Variants in BICRA observed in about 807,000 individuals in gnomAD.
BICRA encodes the protein BRD4 interacting chromatin remodeling complex associated protein, also known as BRD4-interacting chromatin-remodeling complex-associated protein.
Under a neutral mutation model 96.9 loss-of-function variants are expected in BICRA, and 31 were observed. The ratio of observed to expected loss-of-function variants is 0.32; its 90% CI spans 0.24 to 0.43. The LOEUF (loss-of-function observed/expected upper bound fraction) is 0.43. BICRA is among the 20% of genes least tolerant of loss of function. BICRA has a pLI of 1.00. For synonymous variants in BICRA, 1,350 were observed against 1,071.8 expected (o/e 1.26, Z -5.07); for missense variants, 2,283 against 2,190.3 (o/e 1.04, Z -0.84).
rs1438694813 is a variant in BICRA, at chr19:47,698,379, G to A, written c.3249-255G>A. ...CCTCCCTTACGTGCTTTGGAGAGGAGTGACTTCACTTCCTCGACCTCACCT... is the reference window on the plus strand; with the variant it reads ...CCTCCCTTACGTGCTTTGGAGAGGAATGACTTCACTTCCTCGACCTCACCT... On this transcript the variant is annotated intron_variant, in intron 11 of 14. Transcript: ENST00000594866. This position sits in a 1 kb window ranked among gnomAD's most constrained non-coding sequence, Gnocchi z 4.8. 1.3e-5 allele frequency among the ~76,000 whole-genome samples: 2 copies of A among 152,172 alleles called. No homozygotes were observed. The highest frequency in any genetic ancestry group is 1.3e-4 in the Admixed American group (2 of 15,274).
Position 47,694,217 on chromosome 19 carries a change from C to T in BICRA, c.2386C>T (p.Pro796Ser), listed in dbSNP as rs781551702. The change falls in exon 8 of 15, where the codon CCC (proline) becomes TCC (serine). Residue 796 changes from proline to serine, a missense_variant. Coordinates refer to ENST00000594866, the MANE Select transcript of BICRA (RefSeq NM_001394372.1). The part of the protein sequence containing the change: ...GDSPHLPSPH[P>S]TRPPSRPPSR... ...CAGCCCCCACCTGCCCTCCCCACACCCCACCCGGCCCCCTTCCCGCCCACC... is the reference window on the plus strand; with the variant it reads ...CAGCCCCCACCTGCCCTCCCCACACTCCACCCGGCCCCCTTCCCGCCCACC... The T allele has an allele frequency of 1.6e-6, 2 of 1,222,610 alleles. No individual in the cohort carries two copies. Among genetic ancestry groups the T allele is most frequent in the Middle Eastern group, 2.8e-4 (1 of 3,546 alleles). 75.7% of individuals were successfully genotyped at this position (1,222,610 alleles called of 1,614,324 possible).
chr19:47,690,792 TTG>T (rs10603971), intron 7 of BICRA, among the ~76,000 whole-genome samples: 65,398 of 150,236 alleles, frequency 0.44, 14,626 homozygotes, highest in East Asian at 0.63. Context: ...AATTTGTGGA[TTG>T]TGTGTGTGTG....
rs372396367 is a variant in BICRA, at chr19:47,619,974, G to A, written c.-108+10806G>A. On this transcript the variant is annotated intron_variant, in intron 1 of 14. Coordinates refer to ENST00000594866, the MANE Select transcript of BICRA (RefSeq NM_001394372.1). ...TCCTGGTCAGTACCTGCTCCCAGAAGCAGTCACTGGCTTGCCTTGTCATTG... is the reference window on the plus strand; with the variant it reads ...TCCTGGTCAGTACCTGCTCCCAGAAACAGTCACTGGCTTGCCTTGTCATTG... 9.9e-5 allele frequency among the ~76,000 whole-genome samples: 15 copies of A among 152,172 alleles called. No homozygotes were observed. The East Asian group carries it at 2.3e-3, about 23-fold the overall frequency.
chr19:47,691,735 G>C (rs1973243840), intron 7 of BICRA, among the ~76,000 whole-genome samples: 2 of 151,900 alleles, frequency 1.3e-5, no homozygotes, highest in Admixed American at 1.3e-4. Flanking sequence ...TAATTTTTGT[G>C]TTTTTAGTAC....
chr19:47,660,657 G>A (rs1972690907), intron 1 of BICRA, among the ~76,000 whole-genome samples: 1 of 152,180 alleles, frequency 6.6e-6, no homozygotes, highest in South Asian at 2.1e-4. Flanking sequence ...AGGGATAGAG[G>A]ACCTGGCCGG....
In BICRA at chr19:47,695,342, TCCCC is replaced by T; in HGVS notation, c.3077-21_3077-18del. 4 of 630,198 alleles carry T rather than the reference TCCCC, an allele frequency of 6.3e-6. No individual in the cohort carries two copies. Among genetic ancestry groups the T allele is most frequent in the South Asian group, 3.9e-5 (2 of 51,384 alleles). 39.0% of individuals were successfully genotyped at this position (630,198 alleles called of 1,614,324 possible). ...TCATGCAGTGACCGCAGGCCCTGTC[TCCCC>T]CACCCCACCCACCCCCAGGCCTCCC... On this transcript the variant is annotated intron_variant, in intron 9 of 14. Transcript: ENST00000594866.
intron 1 of BICRA, among the ~76,000 whole-genome samples, chr19:47,656,302 A>G (rs1972618132): frequency 6.6e-6 from 1 of 152,070 alleles, no homozygotes; most frequent in Non-Finnish European, 1.5e-5. Flanking sequence ...GAGAAAATAC[A>G]CGTATTAGAG....
At chr19:47,656,610 T>C (rs1046216572) in intron 1 of BICRA, among the ~76,000 whole-genome samples, 46 of 152,326 alleles carry the variant, frequency 3.0e-4, no homozygotes, top group African/African-American at 9.1e-4. Context: ...GGGTTTTTTT[T>C]CTACATGCTA....
intron 1 of BICRA, among the ~76,000 whole-genome samples, chr19:47,630,890 C>A (rs1011278208): frequency 2.6e-5 from 4 of 152,148 alleles, no homozygotes; most frequent in African/African-American, 9.7e-5. Flanking sequence ...TTCTCCACAT[C>A]CTTGCCAACA....
chr19:47,609,133 C>T (rs1045502168), upstream of BICRA: 1 of 149,340 alleles, frequency 6.7e-6, no homozygotes. Flanking sequence ...GGGGCCGTCT[C>T]GGAGACCCCG....
At chr19:47,674,696 T>A (rs1204664522) in intron 4 of BICRA, among the ~76,000 whole-genome samples, 1 of 152,220 alleles carries the variant, frequency 6.6e-6, no homozygotes, top group African/African-American at 2.4e-5. Flanking sequence ...GACTCATTCC[T>A]GTGGCTGTTG....
intron 11 of BICRA, among the ~76,000 whole-genome samples, chr19:47,696,830 T>C (rs1050783133): frequency 6.8e-6 from 1 of 146,226 alleles, no homozygotes; most frequent in Non-Finnish European, 1.5e-5. Context: ...TGAGCCCCAC[T>C]GGGTGGGTGA....
At chr19:47,630,200 G>T (rs1354279649) in intron 1 of BICRA, among the ~76,000 whole-genome samples, 1 of 130,130 alleles carries the variant, frequency 7.7e-6, no homozygotes, top group Non-Finnish European at 1.5e-5. Context: ...TCACTCTGTC[G>T]CCTAGGCTGG....
chr19:47,678,031 T>TA (rs1361115502), intron 5 of BICRA, among the ~76,000 whole-genome samples: 1 of 152,354 alleles, frequency 6.6e-6, no homozygotes, highest in African/African-American at 2.4e-5. Flanking sequence ...TCTCAGTTCT[T>TA]AGAGCTTTTT....
Position 47,681,110 on chromosome 19 carries a change from C to A in BICRA, c.1940C>A (p.Pro647His). The change falls in exon 6 of 15, where the codon CCC (proline) becomes CAC (histidine). Residue 647 changes from proline to histidine, a missense_variant. Physicochemically the swap from Pro to His is moderately conservative, Grantham distance 77. Coordinates refer to ENST00000594866, the MANE Select transcript of BICRA (RefSeq NM_001394372.1). ...LGLQQPQAQQ[P>H]PQAPTPQAAA... Reference sequence around the variant, plus strand: ...CTCCAGCAGCCGCAGGCGCAGCAGCCCCCGCAGGCCCCCACCCCACAGGCC... The same window carrying A: ...CTCCAGCAGCCGCAGGCGCAGCAGCACCCGCAGGCCCCCACCCCACAGGCC... 1 of 1,467,974 alleles carries A rather than the reference C, an allele frequency of 6.8e-7. No homozygotes were observed. Among genetic ancestry groups the A allele is most frequent in the Non-Finnish European group, 9.1e-7 (1 of 1,102,120 alleles). 90.9% of individuals were successfully genotyped at this position (1,467,974 alleles called of 1,614,324 possible).
chr19:47,652,628 G>A (rs895201300), intron 1 of BICRA, among the ~76,000 whole-genome samples: 1 of 152,092 alleles, frequency 6.6e-6, no homozygotes, highest in African/African-American at 2.4e-5. Flanking sequence ...GTGTGCATTC[G>A]GCTGCAAGTA....
In BICRA at chr19:47,702,456, A is replaced by ACGCCGGGACAGT. The variant is rs1193686192; in HGVS notation, c.*44_*55dup. On this transcript the variant is annotated 3_prime_UTR_variant, in exon 15 of 15. Coordinates refer to ENST00000594866, the MANE Select transcript of BICRA (RefSeq NM_001394372.1). ...CCTTCCCCGTCCCCTCCTCCCGAAG[A>ACGCCGGGACAGT]CGCCGGGACAGTCGGGTGTCCGCCC... is the stretch of plus-strand genomic sequence containing the variant. 21 of 1,433,570 alleles carry ACGCCGGGACAGT rather than the reference A, an allele frequency of 1.5e-5. No homozygotes were observed. The highest frequency in any genetic ancestry group is 1.9e-5 in the Non-Finnish European group (21 of 1,105,606). 88.8% of individuals were successfully genotyped at this position (1,433,570 alleles called of 1,614,324 possible).
At chr19:47,647,395 G>A (rs906665179) in intron 1 of BICRA, among the ~76,000 whole-genome samples, 3 of 152,030 alleles carry the variant, frequency 2.0e-5, no homozygotes, top group African/African-American at 4.8e-5. Flanking sequence ...CTTGTATATC[G>A]CCCAGCAATG....
At chr19:47,610,753 GCT>G (rs1480922523) in intron 1 of BICRA, among the ~76,000 whole-genome samples, 1 of 152,084 alleles carries the variant, frequency 6.6e-6, no homozygotes, top group Non-Finnish European at 1.5e-5. Flanking sequence ...TTCATGATAA[GCT>G]CTCTGTGCTT....
Sources: allele counts gnomAD v4.1 joint callset (sites outside exome capture counted in the v4.1 genomes callset), GRCh38; gene constraint gnomAD v4.1.1; non-coding constraint Gnocchi (gnomAD v3.1); transcripts MANE v1.5; gene names NCBI Gene and HGNC (gene_info 2026-07-23, HGNC 2026-07-21).